Variants in SCNN1B observed in about 807,000 individuals in gnomAD.
The protein encoded by SCNN1B is sodium channel epithelial 1 subunit beta.
In SCNN1B, 46 loss-of-function variants were observed where a neutral mutation model predicts 65.3. The observed-to-expected ratio is 0.70, with a 90% CI of 0.56 to 0.90. The LOEUF is 0.90. Among genes scored for constraint, SCNN1B ranks in the 40% least tolerant of loss-of-function variants. The pLI is 0.00. For synonymous variants in SCNN1B, 349 were observed against 330.6 expected (o/e 1.06, Z -0.60); for missense variants, 751 against 830.5 (o/e 0.90, Z 1.18).
chr16:23,341,115 C>T (rs1254195713), intron 1 of SCNN1B, among the ~76,000 whole-genome samples: 1 of 152,120 alleles, frequency 6.6e-6, no homozygotes, highest in Non-Finnish European at 1.5e-5. Context: ...AATATTGAGT[C>T]TTCTAATCTA....
At chr16:23,345,816 C>G (rs62029381) in intron 1 of SCNN1B, among the ~76,000 whole-genome samples, 13,208 of 152,152 alleles carry the variant, frequency 0.087, 642 homozygotes, top group Middle Eastern at 0.13. Context: ...GCATGGTGCC[C>G]CCAGAAGGGA....
chr16:23,372,001 G>T, intron 7 of SCNN1B, 118 bp downstream of exon 7: 6 of 797,282 alleles, frequency 7.5e-6, no homozygotes, highest in Non-Finnish European at 1.3e-5. Flanking sequence ...GCCTTTGTAG[G>T]TTGCCACGGG....
At chr16:23,356,616 C>A (rs1416552495) in intron 4 of SCNN1B, among the ~76,000 whole-genome samples, 23 of 131,294 alleles carry the variant, frequency 1.8e-4, no homozygotes, top group Non-Finnish European at 3.1e-4. Flanking sequence ...AGAATGAGAC[C>A]CTGTCTCTTA....
At chr16:23,372,832 G>T (rs1962813384) in intron 7 of SCNN1B, among the ~76,000 whole-genome samples, 1 of 150,334 alleles carries the variant, frequency 6.7e-6, no homozygotes, top group African/African-American at 2.4e-5. Context: ...GGGCATGGTG[G>T]CTCACGCCTG....
chr16:23,365,669 ACT>A (rs1156360101), intron 4 of SCNN1B, among the ~76,000 whole-genome samples: 1 of 151,932 alleles, frequency 6.6e-6, no homozygotes, highest in Admixed American at 6.6e-5. Context: ...ATAGGATTCC[ACT>A]CTCTGTCCTC....
intron 2 of SCNN1B, 30 bp from the exon 3 acceptor site, chr16:23,352,771 T>C: frequency 6.2e-7 from 1 of 1,613,720 alleles, no homozygotes; most frequent in Admixed American, 1.7e-5. Flanking sequence ...TATGCATTCC[T>C]TCCCCCTAAC....
At chr16:23,299,548 C>T (rs185563183), upstream of SCNN1B, among the ~76,000 whole-genome samples, 2 of 152,130 alleles carry the variant, frequency 1.3e-5, no homozygotes, top group Non-Finnish European at 2.9e-5. Flanking sequence ...TGTTATTTGC[C>T]TTTTTCACCT....
At chr16:23,364,345 A>G (rs1041861231) in intron 4 of SCNN1B, among the ~76,000 whole-genome samples, 1 of 152,234 alleles carries the variant, frequency 6.6e-6, no homozygotes, top group Non-Finnish European at 1.5e-5. Context: ...GGGAGAAGCC[A>G]GTATCTGAAG....
chr16:23,367,294 G>T (rs190699193), intron 4 of SCNN1B, among the ~76,000 whole-genome samples: 1 of 152,046 alleles, frequency 6.6e-6, no homozygotes, highest in East Asian at 1.9e-4. Flanking sequence ...CATTTTTGTT[G>T]TTGTTGTTTG....
At chr16:23,362,216 G>A (rs1962567439) in intron 4 of SCNN1B, among the ~76,000 whole-genome samples, 2 of 151,868 alleles carry the variant, frequency 1.3e-5, no homozygotes, top group South Asian at 2.1e-4. Flanking sequence ...GTGTTGGCAT[G>A]CACCTGTAAT....
rs770545057 is a variant in SCNN1B, at chr16:23,380,696, T to C, written c.1818T>C (p.Ser606=). 2 of 1,612,250 alleles carry C rather than the reference T, an allele frequency of 1.2e-6. No individual in the cohort carries two copies. Among genetic ancestry groups the C allele is most frequent in the Admixed American group, 1.7e-5 (1 of 59,958 alleles). Residue 606 remains serine (S), a synonymous_variant, in exon 13 of 13, where the codon AGT becomes AGC. Transcript: ENST00000343070. This position sits in a 1 kb window ranked among gnomAD's most constrained non-coding sequence, Gnocchi z 5.4. The part of the protein sequence containing the change: ...PRSPNTGPYP[S]EQALPIPGTP... The stretch of plus-strand genomic sequence containing the variant: ...GCCCCAACACTGGGCCCTACCCCAG[T>C]GAGCAGGCCCTGCCCATCCCAGGCA...
intron 1 of SCNN1B, chr16:23,323,599 C>A: frequency 1.4e-6 from 1 of 702,960 alleles, no homozygotes; most frequent in South Asian, 1.5e-5. Context: ...TCCACAAGGT[C>A]ACACAGTGAG....
At chr16:23,299,833 G>A (rs4967952), upstream of SCNN1B, among the ~76,000 whole-genome samples, 74,731 of 152,062 alleles carry the variant, frequency 0.49, 22,613 homozygotes, top group African/African-American at 0.86. Flanking sequence ...CAGCAGTCCC[G>A]TTACTGGGTA....
chr16:23,355,038 C>T (rs1030114966), intron 3 of SCNN1B, among the ~76,000 whole-genome samples: 2 of 152,152 alleles, frequency 1.3e-5, no homozygotes, highest in African/African-American at 4.8e-5. Flanking sequence ...GGTCTCCTAA[C>T]CTCCCAGGCC....
At chr16:23,333,356 A>G (rs756844552) in intron 1 of SCNN1B, among the ~76,000 whole-genome samples, 11 of 152,178 alleles carry the variant, frequency 7.2e-5, no homozygotes, top group Non-Finnish European at 1.5e-4. Context: ...GACCTTGGGG[A>G]GTATGGGATT....
At chr16:23,376,927 G>A (rs562902639) in intron 8 of SCNN1B, among the ~76,000 whole-genome samples, 2 of 152,204 alleles carry the variant, frequency 1.3e-5, no homozygotes, top group Non-Finnish European at 2.9e-5. Context: ...CAGGGATGGG[G>A]ATGGCCGGCA....
intron 4 of SCNN1B, among the ~76,000 whole-genome samples, chr16:23,361,882 A>AT (rs1196477697): frequency 6.6e-6 from 1 of 151,936 alleles, no homozygotes; most frequent in African/African-American, 2.4e-5. Flanking sequence ...TGCCCGATTA[A>AT]TTTTTTTATT....
At chr16:23,356,624 T>TAAAAA (rs1962426595) in intron 4 of SCNN1B, among the ~76,000 whole-genome samples, 2 of 42,770 alleles carry the variant, frequency 4.7e-5, no homozygotes, top group Admixed American at 1.7e-4. Flanking sequence ...ACCCTGTCTC[T>TAAAAA]TAAAAAAAAA....
At chr16:23,279,611 T>C (rs2141965762) in intron 1 of SCNN1B, among the ~76,000 whole-genome samples, 1 of 152,366 alleles carries the variant, frequency 6.6e-6, no homozygotes, top group Middle Eastern at 3.4e-3. Flanking sequence ...ATCTTTGGGC[T>C]CAGAACTGGC....
Sources: allele counts gnomAD v4.1 joint callset (sites outside exome capture counted in the v4.1 genomes callset), GRCh38; gene constraint gnomAD v4.1.1; non-coding constraint Gnocchi (gnomAD v3.1); transcripts MANE v1.5; gene names NCBI Gene and HGNC (gene_info 2026-07-23, HGNC 2026-07-21).